MIX23: variants seen among roughly 807,000 people sequenced by gnomAD.
MIX23 encodes the protein protein MIX23.
In MIX23, 13 loss-of-function variants were observed where a neutral mutation model predicts 21.6. The observed-to-expected ratio is 0.60, with a 90% confidence interval of 0.39 to 0.96. The LOEUF is 0.96. Among genes scored for constraint, MIX23 ranks in the 40% least tolerant of loss-of-function variants. MIX23 has a pLI of 0.00. For synonymous variants in MIX23, 59 were observed against 58.0 expected (o/e 1.02, Z -0.08); for missense variants, 144 against 171.2 (o/e 0.84, Z 0.89).
chr3:122,374,120 A>T (rs11293324), intron 1 of MIX23, among the ~76,000 whole-genome samples: 58,805 of 111,848 alleles, frequency 0.53, 12,448 homozygotes, highest in East Asian at 0.58. Context: ...TTTTTTTTTT[A>T]AAAAAAAAGC....
intron 4 of MIX23, among the ~76,000 whole-genome samples, chr3:122,362,327 CA>C (rs1354961018): frequency 1.3e-5 from 2 of 152,104 alleles, no homozygotes; most frequent in Non-Finnish European, 2.9e-5. Flanking sequence ...CTAATTTGAA[CA>C]AATAGCCTCC....
intron 1 of MIX23, among the ~76,000 whole-genome samples, chr3:122,381,258 C>T (rs1436978661): frequency 6.6e-6 from 1 of 152,084 alleles, no homozygotes; most frequent in African/African-American, 2.4e-5. Flanking sequence ...TTCGCAAGTG[C>T]CAGGAGACTA....
At chr3:122,370,650 G>A (rs1218473723) in intron 2 of MIX23, among the ~76,000 whole-genome samples, 3 of 152,084 alleles carry the variant, frequency 2.0e-5, no homozygotes, top group Non-Finnish European at 4.4e-5. Flanking sequence ...GATTATATGA[G>A]TAGTGAGGTG....
intron 1 of MIX23, 133 bp downstream of exon 1, chr3:122,383,041 T>G: frequency 8.1e-7 from 1 of 1,229,764 alleles, no homozygotes; most frequent in East Asian, 2.3e-5. Context: ...CCCCATGACC[T>G]CCAATGGCTC....
chr3:122,360,292 G>A (rs2075348280), intron 4 of MIX23, among the ~76,000 whole-genome samples: 1 of 152,140 alleles, frequency 6.6e-6, no homozygotes, highest in South Asian at 2.1e-4. Flanking sequence ...ATAACTAAAT[G>A]TCCACATGGA....
chr3:122,375,556 C>T (rs1016911363), intron 1 of MIX23, among the ~76,000 whole-genome samples: 1 of 152,154 alleles, frequency 6.6e-6, no homozygotes, highest in African/African-American at 2.4e-5. Flanking sequence ...TAGTAGCGAA[C>T]AGATGAAACA....
At chr3:122,376,785 G>A (rs2075490676) in intron 1 of MIX23, among the ~76,000 whole-genome samples, 2 of 152,200 alleles carry the variant, frequency 1.3e-5, no homozygotes, top group African/African-American at 4.8e-5. Context: ...CATAAAGATG[G>A]AAAGAATAGA....
chr3:122,380,634 G>C (rs1269324186), intron 1 of MIX23, among the ~76,000 whole-genome samples: 1 of 152,148 alleles, frequency 6.6e-6, no homozygotes, highest in East Asian at 1.9e-4. Flanking sequence ...GACATGACAA[G>C]AGGCACTTTG....
chr3:122,367,388 T>A (rs1358567708), intron 3 of MIX23, among the ~76,000 whole-genome samples: 1 of 152,268 alleles, frequency 6.6e-6, no homozygotes, highest in Non-Finnish European at 1.5e-5. Context: ...TGTATTTTTC[T>A]ATTGTTTCCT....
chr3:122,360,763 G>A (rs1427731210), intron 4 of MIX23, among the ~76,000 whole-genome samples: 1 of 152,026 alleles, frequency 6.6e-6, no homozygotes, highest in East Asian at 1.9e-4. Context: ...AACTACCTAT[G>A]TTGGCTGCCA....
chr3:122,371,863 T>C, intron 1 of MIX23, 63 bp from the exon 2 acceptor site: 3 of 1,387,440 alleles, frequency 2.2e-6, no homozygotes, highest in South Asian at 1.3e-5. Context: ...AAAATAAGCA[T>C]TTAAGTAAAA....
rs146756282 is a variant in MIX23, at chr3:122,378,204, G to A, written c.51+4970C>T. Among the ~76,000 whole-genome samples the A allele has an allele frequency of 5.9e-5, 9 of 152,330 alleles. No homozygotes were observed. The East Asian group carries it at 1.3e-3, about 23-fold the overall frequency. On this transcript the variant is annotated intron_variant, in intron 1 of 4. Coordinates refer to ENST00000291458, the MANE Select transcript of MIX23 (RefSeq NM_001017928.4). ...CAGTTAGACGACTGCAGCAATCCAC[G>A]TGAAAGATTACATCGTTTGACATTT...
In MIX23 at chr3:122,373,273, A is replaced by T. The variant is rs564427099; in HGVS notation, c.52-1473T>A. 1.4e-3 allele frequency among the ~76,000 whole-genome samples: 204 copies of T among 148,980 alleles called. 7 individuals are homozygous for T. In the South Asian group the frequency reaches 0.041, roughly 30 times the overall value. On this transcript the variant is annotated intron_variant, in intron 1 of 4. Transcript: ENST00000291458. The stretch of plus-strand genomic sequence containing the variant: ...ATATAATGTTGCTAGAAATGTCTTG[A>T]AAGTTTTTTTTTTTTTGAGACAGGG...
chr3:122,383,175 T>C lies in MIX23; in HGVS notation c.50A>G (p.Gln17Arg). 6.2e-7 allele frequency: 1 copy of C among 1,613,756 alleles called. No homozygotes were observed. The highest frequency in any genetic ancestry group is 8.5e-7 in the Non-Finnish European group (1 of 1,180,032). ...GVNCEEFAEFQELLKVMRTID... is the reference protein window; with the variant it reads ...GVNCEEFAEFRELLKVMRTID... ...GCCACATGAGGAAAACCCCATCACC[T>C]GGAACTCGGCGAACTCCTCACAGTT... Residue 17 changes from glutamine to arginine, a missense_variant and splice_region_variant, in exon 1 of 5, where the codon CAG becomes CGG. Coordinates refer to ENST00000291458, the MANE Select transcript of MIX23 (RefSeq NM_001017928.4).
At chr3:122,371,505 C>G (rs1452419631) in intron 2 of MIX23, among the ~76,000 whole-genome samples, 170 bp downstream of exon 2, 1 of 152,242 alleles carries the variant, frequency 6.6e-6, no homozygotes, top group Admixed American at 6.5e-5. Flanking sequence ...TAAGGTCACA[C>G]ATTTTCTTTA....
chr3:122,375,695 C>T lies in MIX23; in HGVS notation c.52-3895G>A, dbSNP rs573782901. On this transcript the variant is annotated intron_variant, in intron 1 of 4. Coordinates refer to ENST00000291458, the MANE Select transcript of MIX23 (RefSeq NM_001017928.4). ...ACTTTTTTTTAAAGTTTTGTTGTGG[C>T]AACAGATATTGGTAAGCATGCAGAG... Among the ~76,000 whole-genome samples, 6 of 152,038 alleles carry T rather than the reference C, an allele frequency of 3.9e-5. No homozygotes were observed. In the East Asian group the frequency reaches 1.2e-3, roughly 29 times the overall value.
intron 4 of MIX23, among the ~76,000 whole-genome samples, chr3:122,362,617 G>A (rs893606299): frequency 2.6e-5 from 4 of 151,990 alleles, no homozygotes; most frequent in African/African-American, 9.7e-5. Flanking sequence ...GAGTAGCTGG[G>A]ATTACAGGCT....
chr3:122,361,448 T>C (rs970591878), intron 4 of MIX23, among the ~76,000 whole-genome samples: 1 of 152,134 alleles, frequency 6.6e-6, no homozygotes, highest in Non-Finnish European at 1.5e-5. Flanking sequence ...CAAATCCTTT[T>C]CCCAAATGAT....
At chr3:122,379,855 ATC>A (rs1019244721) in intron 1 of MIX23, among the ~76,000 whole-genome samples, 2 of 152,206 alleles carry the variant, frequency 1.3e-5, no homozygotes, top group African/African-American at 4.8e-5. Context: ...ACAAGAAGAG[ATC>A]TGATATATCA....
Sources: allele counts gnomAD v4.1 joint callset (sites outside exome capture counted in the v4.1 genomes callset), GRCh38; gene constraint gnomAD v4.1.1; transcripts MANE v1.5; gene names NCBI Gene and HGNC (gene_info 2026-07-23, HGNC 2026-07-21).